The following SDK1 variants were observed in gnomAD, a reference collection of about 807,000 sequenced individuals.
SDK1 encodes the protein sidekick cell adhesion molecule 1.
Under a neutral mutation model 245.5 loss-of-function variants are expected in SDK1, and 157 were observed. The observed-to-expected ratio is 0.64, with a 90% confidence interval of 0.56 to 0.73. The LOEUF (loss-of-function observed/expected upper bound fraction) is 0.73, where lower values mean the gene tolerates loss of function less well. Ranked by LOEUF, SDK1 falls within the 30% of genes least tolerant of loss-of-function variation. SDK1 has a pLI of 0.00. For missense variants in SDK1, 3,583 were observed against 3,002.3 expected, an observed-to-expected ratio of 1.19 and a Z score of -4.52; for synonymous variants, 1,647 against 1,278.5, an observed-to-expected ratio of 1.29 and a Z score of -6.15.
chr7:4,139,669 GTGTGTATA>G lies in SDK1; in HGVS notation c.4229-6047_4229-6040del, dbSNP rs1779415029. On this transcript the variant is annotated intron_variant, in intron 28 of 44. Transcript: ENST00000404826. ...TGTATATGTGTGTGTGTATATGTGT[GTGTGTATA>G]TGTGTGTGTGTGTATGTGTGTGTGT... Among the ~76,000 whole-genome samples, 2 of 131,056 alleles carry G rather than the reference GTGTGTATA, an allele frequency of 1.5e-5. 1 individual carries two copies. Among genetic ancestry groups the G allele is most frequent in the African/African-American group, 6.2e-5 (2 of 32,486 alleles). 86.0% of individuals were successfully genotyped at this position (131,056 alleles called of 152,430 possible).
At chr7:3,620,828 A>G (rs1057467812) in intron 2 of SDK1, among the ~76,000 whole-genome samples, 1 of 151,768 alleles carries the variant, frequency 6.6e-6, no homozygotes, top group South Asian at 2.1e-4. Flanking sequence ...CCCCATTCCC[A>G]TTACCCACCC....
intron 5 of SDK1, among the ~76,000 whole-genome samples, chr7:3,934,344 T>G (rs187966369): frequency 1.3e-5 from 2 of 152,360 alleles, no homozygotes; most frequent in African/African-American, 4.8e-5. Context: ...GACTGGGGAT[T>G]GAATGTCTTT....
At chr7:4,232,413 T>TTC (rs1785850768) in intron 40 of SDK1, among the ~76,000 whole-genome samples, 1 of 125,524 alleles carries the variant, frequency 8.0e-6, no homozygotes, top group African/African-American at 2.8e-5. Flanking sequence ...TTTTCTTTCT[T>TTC]TTTTTTTTTT....
chr7:3,568,941 G>T (rs1308304281), intron 1 of SDK1, among the ~76,000 whole-genome samples: 4 of 151,438 alleles, frequency 2.6e-5, no homozygotes, highest in Admixed American at 1.3e-4. Flanking sequence ...TATTTACTAT[G>T]CAAATAAACA....
intron 1 of SDK1, among the ~76,000 whole-genome samples, chr7:3,523,875 C>T (rs541552349): frequency 6.6e-6 from 1 of 152,068 alleles, no homozygotes; most frequent in Non-Finnish European, 1.5e-5. Flanking sequence ...TTTTCTACCC[C>T]CTTATGTGGC....
chr7:3,686,921 G>C (rs1784299877), intron 4 of SDK1, among the ~76,000 whole-genome samples: 1 of 152,150 alleles, frequency 6.6e-6, no homozygotes, highest in Admixed American at 6.6e-5. Flanking sequence ...GGGGTAGGCA[G>C]GTAGTGGCCC....
chr7:3,735,126 A>G (rs533143246), intron 4 of SDK1, among the ~76,000 whole-genome samples: 240 of 152,142 alleles, frequency 1.6e-3, no homozygotes, highest in Non-Finnish European at 2.6e-3. Flanking sequence ...CTTTTACTAC[A>G]TAGCAGCTTG....
At chr7:3,592,746 A>G (rs1780919644) in intron 1 of SDK1, among the ~76,000 whole-genome samples, 1 of 152,174 alleles carries the variant, frequency 6.6e-6, no homozygotes, top group South Asian at 2.1e-4. Flanking sequence ...CGCTTTATAT[A>G]AAGAACTTTG....
chr7:3,419,835 G>C (rs1411528839), intron 1 of SDK1, among the ~76,000 whole-genome samples: 1 of 152,158 alleles, frequency 6.6e-6, no homozygotes, highest in East Asian at 1.9e-4. Context: ...ACTAAGCTTA[G>C]TATGGCCTGG....
intron 40 of SDK1, among the ~76,000 whole-genome samples, chr7:4,232,063 T>TTTA (rs1449117281): frequency 9.0e-4 from 130 of 144,762 alleles, no homozygotes; most frequent in African/African-American, 2.9e-3. Flanking sequence ...TTTTTTTTTT[T>TTTA]AACCAAACAG....
At chr7:3,583,172 C>G (rs935499790) in intron 1 of SDK1, among the ~76,000 whole-genome samples, 1 of 152,150 alleles carries the variant, frequency 6.6e-6, no homozygotes, top group South Asian at 2.1e-4. Flanking sequence ...TGCAGCAGCT[C>G]GACCTTGTTT....
In SDK1 at chr7:4,003,917, TCTC is replaced by T. The variant is rs200707319; in HGVS notation, c.2132-7046_2132-7044del. Among the ~76,000 whole-genome samples the T allele has an allele frequency of 5.6e-3, 850 of 152,296 alleles. 10 individuals are homozygous for T. Among genetic ancestry groups the T allele is most frequent in the African/African-American group, 0.019 (786 of 41,572 alleles). On this transcript the variant is annotated intron_variant, in intron 14 of 44. Transcript: ENST00000404826. ...GCATTGCTCCAAGACAAGCTCATCT[TCTC>T]CTTCATCTCTGTGACCAAGCCCTTA...
At chr7:4,092,352 C>A (rs948075654) in intron 22 of SDK1, among the ~76,000 whole-genome samples, 8 of 152,186 alleles carry the variant, frequency 5.3e-5, no homozygotes, top group African/African-American at 1.2e-4. Flanking sequence ...GGTTCTCATT[C>A]CCCAGCCACT....
At position 4,175,865 on chromosome 7, in the gene SDK1, C is replaced by T. The variant is rs769767337; in HGVS notation, c.4996+31C>T. On this transcript the variant is annotated intron_variant, in intron 34 of 44. Coordinates refer to ENST00000404826, the MANE Select transcript of SDK1 (RefSeq NM_152744.4). ...TGCGCTCTCAGCGGGAGGCCCATGC[C>T]GCGAGGCGCACACACTGTGCCCAGA... The T allele has an allele frequency of 2.0e-5, 32 of 1,595,268 alleles. No homozygotes were observed. In the East Asian group the frequency reaches 2.0e-4, roughly 10 times the overall value.
At chr7:4,058,753 T>G (rs1424008204) in intron 19 of SDK1, among the ~76,000 whole-genome samples, 1 of 152,124 alleles carries the variant, frequency 6.6e-6, no homozygotes, top group East Asian at 1.9e-4. Flanking sequence ...TGCATAAAAG[T>G]TACCCTTCAC....
chr7:3,986,458 G>A (rs957253978), intron 13 of SDK1, among the ~76,000 whole-genome samples: 1 of 152,174 alleles, frequency 6.6e-6, no homozygotes, highest in African/African-American at 2.4e-5. Flanking sequence ...GGCTAGTGTT[G>A]GAAACATTCC....
At chr7:3,935,539 A>T (rs1780126972) in intron 5 of SDK1, among the ~76,000 whole-genome samples, 1 of 152,216 alleles carries the variant, frequency 6.6e-6, no homozygotes, top group Non-Finnish European at 1.5e-5. Context: ...CAACAGAAAA[A>T]ATAAGCTGAT....
intron 1 of SDK1, among the ~76,000 whole-genome samples, chr7:3,406,574 G>A (rs1047425090): frequency 6.6e-6 from 1 of 152,070 alleles, no homozygotes; most frequent in South Asian, 2.1e-4. Context: ...TCTATAGATC[G>A]TTTTGTGGAT....
intron 5 of SDK1, among the ~76,000 whole-genome samples, chr7:3,860,572 CA>C (rs1232690954): frequency 1.3e-5 from 2 of 152,240 alleles, no homozygotes; most frequent in East Asian, 3.9e-4. Context: ...TAAATTAATA[CA>C]GCCATTTTTG....
Sources: allele counts gnomAD v4.1 joint callset (sites outside exome capture counted in the v4.1 genomes callset), GRCh38; gene constraint gnomAD v4.1.1; transcripts MANE v1.5; gene names NCBI Gene and HGNC (gene_info 2026-07-23, HGNC 2026-07-21).